The following PCDH15 variants were observed in gnomAD, a reference collection of about 807,000 sequenced individuals.
PCDH15 encodes protocadherin related 15.
A neutral mutation model predicts 178.5 loss-of-function variants in PCDH15; 129 were observed. The observed-to-expected ratio is 0.72, with a 90% CI of 0.63 to 0.84. The LOEUF is 0.84. Among genes scored for constraint, PCDH15 ranks in the 40% least tolerant of loss-of-function variants. The probability of loss-of-function intolerance (pLI) is 0.00; values close to 1 mark genes in which losing one functional copy is unlikely to be tolerated. For synonymous variants in PCDH15, 800 were observed against 732.0 expected (o/e 1.09, Z -1.50); for missense variants, 2,230 against 2,099.9 (o/e 1.06, Z -1.21).
chr10:54,674,209 T>G (rs2094736644), intron 1 of PCDH15, among the ~76,000 whole-genome samples: 1 of 152,184 alleles, frequency 6.6e-6, no homozygotes, highest in South Asian at 2.1e-4. Flanking sequence ...TTACAATAAT[T>G]TTAAAACAGT....
chr10:54,152,398 C>G (rs897533333), intron 14 of PCDH15, among the ~76,000 whole-genome samples: 1 of 151,274 alleles, frequency 6.6e-6, no homozygotes, highest in African/African-American at 2.4e-5. Flanking sequence ...ATATGTTTAT[C>G]AATAATAGAC....
chr10:54,951,093 A>G (rs1237709499), intron 2 of PCDH15, among the ~76,000 whole-genome samples: 1 of 151,936 alleles, frequency 6.6e-6, no homozygotes, highest in East Asian at 1.9e-4. Context: ...TGTATTTTAC[A>G]TTAGAGTTCA....
intron 16 of PCDH15, among the ~76,000 whole-genome samples, chr10:54,081,985 A>G (rs1301888233): frequency 6.6e-6 from 1 of 152,214 alleles, no homozygotes; most frequent in Non-Finnish European, 1.5e-5. Flanking sequence ...TTTGTTTTAA[A>G]AAAAGGTAAA....
intron 2 of PCDH15, among the ~76,000 whole-genome samples, chr10:54,579,878 A>C (rs1051456079): frequency 6.6e-6 from 1 of 152,070 alleles, no homozygotes; most frequent in African/African-American, 2.4e-5. Flanking sequence ...CTCCTGAAGG[A>C]CTTTCAGATA....
chr10:55,587,565 TG>T, intron 2 of PCDH15, among the ~76,000 whole-genome samples: 1 of 152,276 alleles, frequency 6.6e-6, no homozygotes. Flanking sequence ...GAAATAATCC[TG>T]GTCATTCAAA....
At chr10:55,591,221 C>G (rs1842836420) in intron 2 of PCDH15, among the ~76,000 whole-genome samples, 1 of 151,980 alleles carries the variant, frequency 6.6e-6, no homozygotes, top group African/African-American at 2.4e-5. Context: ...GCTCCTGAGT[C>G]CAGAAGTTTG....
intron 2 of PCDH15, among the ~76,000 whole-genome samples, chr10:55,618,833 A>G (rs757986001): frequency 1.2e-4 from 18 of 152,070 alleles, no homozygotes; most frequent in Non-Finnish European, 2.2e-4. Flanking sequence ...ATTAAGATCC[A>G]TGACATAAAG....
At chr10:55,165,764 C>A (rs1026592461) in intron 2 of PCDH15, among the ~76,000 whole-genome samples, 2 of 151,878 alleles carry the variant, frequency 1.3e-5, no homozygotes, top group African/African-American at 4.8e-5. Flanking sequence ...TCATAAATTG[C>A]AAATTACAGT....
intron 2 of PCDH15, among the ~76,000 whole-genome samples, chr10:55,510,870 A>C (rs1332323844): frequency 6.7e-6 from 1 of 149,970 alleles, no homozygotes. Context: ...ATACATACAC[A>C]CACACACTTG....
At chr10:54,170,587 C>T (rs10763078) in intron 13 of PCDH15, among the ~76,000 whole-genome samples, 104,413 of 149,994 alleles carry the variant, frequency 0.7, 37,710 homozygotes, top group Middle Eastern at 0.73. Flanking sequence ...CAATTACCGT[C>T]GTTCTTGACC....
intron 18 of PCDH15, among the ~76,000 whole-genome samples, chr10:54,063,841 T>C (rs1243677384): frequency 1.3e-5 from 2 of 152,134 alleles, no homozygotes; most frequent in African/African-American, 4.8e-5. Flanking sequence ...AAACCTTAGA[T>C]TGAATCAGAT....
intron 2 of PCDH15, among the ~76,000 whole-genome samples, chr10:55,477,282 T>C (rs1204866424): frequency 6.6e-6 from 1 of 151,940 alleles, no homozygotes; most frequent in Non-Finnish European, 1.5e-5. Flanking sequence ...GGCTTGAATG[T>C]ATGGTATGGC....
chr10:54,713,613 G>T (rs1932604), intron 1 of PCDH15, among the ~76,000 whole-genome samples: 15,522 of 152,048 alleles, frequency 0.1, 1,027 homozygotes, highest in Middle Eastern at 0.17. Context: ...TGTATAATCA[G>T]TGTCTGGGCA....
Position 54,177,765 on chromosome 10 carries a change from G to A in PCDH15, c.1590+5679C>T, listed in dbSNP as rs183104357. On this transcript the variant is annotated intron_variant, in intron 13 of 37. Transcript: ENST00000644397. ...CCTAAAGATTAATGGTGTGCATCAT[G>A]ATATAGCTGCCTCCAACACGACTAG... Among the ~76,000 whole-genome samples, 281 of 152,278 alleles carry A rather than the reference G, an allele frequency of 1.8e-3. 1 individual carries two copies. The highest frequency in any genetic ancestry group is 6.4e-3 in the African/African-American group (265 of 41,568).
At chr10:54,841,937 A>T (rs1370366726) in intron 3 of PCDH15, among the ~76,000 whole-genome samples, 1 of 151,844 alleles carries the variant, frequency 6.6e-6, no homozygotes, top group Non-Finnish European at 1.5e-5. Flanking sequence ...GTTTATTTTT[A>T]TATGATGCCA....
intron 23 of PCDH15, 67 bp downstream of exon 23, chr10:53,959,665 T>A: frequency 8.2e-7 from 1 of 1,220,826 alleles, no homozygotes; most frequent in Non-Finnish European, 1.2e-6. Flanking sequence ...TACATCAATT[T>A]TGAGAGACTC....
intron 5 of PCDH15, among the ~76,000 whole-genome samples, chr10:54,355,750 G>A (rs1588999689): frequency 6.6e-6 from 1 of 152,076 alleles, no homozygotes; most frequent in South Asian, 2.1e-4. Flanking sequence ...AATTATTACT[G>A]TCAGAAAAAA....
At chr10:54,136,458 G>A (rs910396194) in intron 14 of PCDH15, among the ~76,000 whole-genome samples, 1 of 138,476 alleles carries the variant, frequency 7.2e-6, no homozygotes, top group African/African-American at 2.6e-5. Context: ...TCTTTCAAAA[G>A]CTAGGCCCTT....
At chr10:55,552,551 A>G (rs1342460978) in intron 2 of PCDH15, among the ~76,000 whole-genome samples, 1 of 151,446 alleles carries the variant, frequency 6.6e-6, no homozygotes, top group Non-Finnish European at 1.5e-5. Flanking sequence ...TGTGTTCCCA[A>G]ATCAAAAGCT....
Sources: allele counts gnomAD v4.1 joint callset (sites outside exome capture counted in the v4.1 genomes callset), GRCh38; gene constraint gnomAD v4.1.1; transcripts MANE v1.5; gene names NCBI Gene and HGNC (gene_info 2026-07-23, HGNC 2026-07-21).